STPG2: variants seen among roughly 807,000 people sequenced by gnomAD.
The protein encoded by STPG2 is sperm tail PG-rich repeat containing 2.
In STPG2, 56 loss-of-function variants were observed where a neutral mutation model predicts 54.2. That is an observed-to-expected ratio of 1.03 (90% CI 0.83 to 1.29). The LOEUF (loss-of-function observed/expected upper bound fraction) is 1.29, where lower values mean the gene tolerates loss of function less well. Ranked by LOEUF, STPG2 falls within the 50% of genes most tolerant of loss-of-function variation. The pLI is 0.00. For synonymous variants in STPG2, 200 were observed against 181.8 expected (o/e 1.10, Z -0.81); for missense variants, 596 against 544.9 (o/e 1.09, Z -0.93).
At chr4:97,647,070 T>A (rs541959854) in intron 10 of STPG2, among the ~76,000 whole-genome samples, 3 of 152,264 alleles carry the variant, frequency 2.0e-5, no homozygotes, top group Admixed American at 2.0e-4. Flanking sequence ...TCCTTATATA[T>A]TCAATTTTCT....
intron 4 of STPG2, among the ~76,000 whole-genome samples, chr4:97,446,493 A>AT (rs1158510531): frequency 2.6e-5 from 4 of 152,216 alleles, no homozygotes; most frequent in Non-Finnish European, 4.4e-5. Flanking sequence ...TGTAGTAACC[A>AT]TATAACTTAG....
chr4:97,771,859 C>T (rs1726229766), intron 9 of STPG2, among the ~76,000 whole-genome samples: 1 of 152,138 alleles, frequency 6.6e-6, no homozygotes, highest in Non-Finnish European at 1.5e-5. Context: ...ATAAGAGTGT[C>T]AGTGTGGAAA....
intron 8 of STPG2, among the ~76,000 whole-genome samples, chr4:97,935,063 C>A (rs1732699409): frequency 6.6e-6 from 1 of 151,414 alleles, no homozygotes; most frequent in South Asian, 2.1e-4. Context: ...AAGGATTCGA[C>A]TTCTTCCTAC....
At chr4:97,684,752 T>G (rs2148982519) in intron 10 of STPG2, among the ~76,000 whole-genome samples, 1 of 152,068 alleles carries the variant, frequency 6.6e-6, no homozygotes, top group South Asian at 2.1e-4. Flanking sequence ...AAGTTGCTCT[T>G]CATTAAAATT....
intron 9 of STPG2, among the ~76,000 whole-genome samples, chr4:97,764,142 AGAGG>A (rs1201186344): frequency 7.3e-5 from 11 of 149,902 alleles, no homozygotes; most frequent in African/African-American, 2.0e-4. Flanking sequence ...ACACACACAC[AGAGG>A]CACAGACAGA....
chr4:97,820,110 T>G (rs1162175045), intron 9 of STPG2, among the ~76,000 whole-genome samples: 2 of 152,172 alleles, frequency 1.3e-5, no homozygotes, highest in Non-Finnish European at 2.9e-5. Flanking sequence ...ATTTCAGACT[T>G]TTCCATTATT....
intron 9 of STPG2, among the ~76,000 whole-genome samples, chr4:97,732,072 A>G (rs994845452): frequency 2.6e-5 from 4 of 152,188 alleles, no homozygotes; most frequent in African/African-American, 4.8e-5. Flanking sequence ...CCCATAGGAA[A>G]GACAGCCCTG....
chr4:97,981,887 ATCT>A (rs1264888473), intron 5 of STPG2, among the ~76,000 whole-genome samples: 1 of 143,402 alleles, frequency 7.0e-6, no homozygotes, highest in African/African-American at 2.7e-5. Context: ...GCACTGTATA[ATCT>A]TTTTTTTTTT....
intron 3 of STPG2, among the ~76,000 whole-genome samples, chr4:98,121,385 C>G (rs1002408447): frequency 2.0e-5 from 3 of 151,880 alleles, no homozygotes; most frequent in African/African-American, 7.3e-5. Flanking sequence ...TCTTTTGGTT[C>G]CATATGAATT....
At chr4:97,528,520 T>G (rs1731340905) in intron 4 of STPG2, among the ~76,000 whole-genome samples, 1 of 152,154 alleles carries the variant, frequency 6.6e-6, no homozygotes, top group Non-Finnish European at 1.5e-5. Context: ...AAGTATTTTT[T>G]TCCAACTCTG....
rs1578484435 is a variant in STPG2, at chr4:97,692,566, A to C, written c.1320+20133T>G. On this transcript the variant is annotated intron_variant, in intron 10 of 10. Transcript: ENST00000295268. ...GGATTATGTTAAACAACCAAACCTAACAATAATTGGTATTCCCGAGGAAGA... is the reference window on the plus strand; with the variant it reads ...GGATTATGTTAAACAACCAAACCTACCAATAATTGGTATTCCCGAGGAAGA... 2.0e-5 allele frequency among the ~76,000 whole-genome samples: 3 copies of C among 152,262 alleles called. No individual in the cohort carries two copies. The East Asian group carries it at 5.8e-4, about 29-fold the overall frequency.
intron 4 of STPG2, among the ~76,000 whole-genome samples, chr4:97,481,883 TAGG>T (rs1236152002): frequency 6.6e-6 from 1 of 151,630 alleles, no homozygotes; most frequent in African/African-American, 2.4e-5. Context: ...CTATGTTGAA[TAGG>T]AGATGTGAAC....
chr4:97,625,211 A>C (rs1734109719), intron 10 of STPG2, among the ~76,000 whole-genome samples: 1 of 152,236 alleles, frequency 6.6e-6, no homozygotes, highest in South Asian at 2.1e-4. Context: ...TATGTTTTTC[A>C]ATACGGAAAA....
intron 9 of STPG2, among the ~76,000 whole-genome samples, chr4:97,730,260 T>C (rs1022933505): frequency 6.6e-6 from 1 of 152,150 alleles, no homozygotes; most frequent in Non-Finnish European, 1.5e-5. Context: ...AGGAATTTGG[T>C]TTTCTGTTTC....
chr4:97,717,776 G>T (rs180700427), intron 9 of STPG2, among the ~76,000 whole-genome samples: 149 of 152,222 alleles, frequency 9.8e-4, no homozygotes, highest in Non-Finnish European at 1.6e-3. Context: ...TGGAAGGAAG[G>T]ATAATCACCC....
chr4:97,959,336 C>G lies in STPG2; in HGVS notation c.933+12944G>C, dbSNP rs1733800048. Among the ~76,000 whole-genome samples, 3 of 152,010 alleles carry G rather than the reference C, an allele frequency of 2.0e-5. No individual in the cohort carries two copies. In the South Asian group the frequency reaches 6.2e-4, roughly 32 times the overall value. On this transcript the variant is annotated intron_variant, in intron 7 of 10. Coordinates refer to ENST00000295268, the MANE Select transcript of STPG2 (RefSeq NM_174952.3). ...ACTAGAGAAACAAGAAAAAACCAAA[C>G]TTAACCCCAGTAAAAGAAAGGAAAT...
chr4:98,094,479 A>G (rs1224985344), intron 5 of STPG2, among the ~76,000 whole-genome samples: 1 of 152,146 alleles, frequency 6.6e-6, no homozygotes, highest in Non-Finnish European at 1.5e-5. Flanking sequence ...AAAGCAGAGT[A>G]AAGGGGACTT....
chr4:97,597,356 C>T (rs149256157), intron 10 of STPG2, among the ~76,000 whole-genome samples: 2,264 of 151,922 alleles, frequency 0.015, 52 homozygotes, highest in African/African-American at 0.052. Flanking sequence ...CCATTCCTAC[C>T]GAAACTATTC....
intron 9 of STPG2, among the ~76,000 whole-genome samples, chr4:97,765,320 G>A (rs996262714): frequency 2.0e-5 from 3 of 152,080 alleles, no homozygotes; most frequent in African/African-American, 7.2e-5. Context: ...GGCATGTTTT[G>A]AGGCTGTTCA....
Sources: allele counts gnomAD v4.1 joint callset (sites outside exome capture counted in the v4.1 genomes callset), GRCh38; gene constraint gnomAD v4.1.1; transcripts MANE v1.5; gene names NCBI Gene and HGNC (gene_info 2026-07-23, HGNC 2026-07-21).